RBFOX3: variants seen among roughly 807,000 people sequenced by gnomAD.
RBFOX3 encodes RNA binding protein fox-1 homolog 3.
RBFOX3 carries 17 observed loss-of-function variants against 48.7 expected under a neutral mutation model. The observed-to-expected ratio is 0.35, with a 90% CI of 0.24 to 0.52. The LOEUF is 0.52. Among genes scored for constraint, RBFOX3 ranks in the 20% least tolerant of loss-of-function variants. RBFOX3 has a pLI of 0.94. For missense variants in RBFOX3, 382 were observed against 497.5 expected (o/e 0.77, Z 2.21); for synonymous variants, 212 against 209.5 (o/e 1.01, Z -0.10).
intron 1 of RBFOX3, among the ~76,000 whole-genome samples, chr17:79,566,305 G>T (rs1455209351): frequency 6.6e-6 from 1 of 152,176 alleles, no homozygotes; most frequent in African/African-American, 2.4e-5. Flanking sequence ...GCCTCACCAG[G>T]CTGGGCCTGG....
Position 79,477,390 on chromosome 17 carries a change from A to C in RBFOX3, c.-175+5064T>G, listed in dbSNP as rs1283751573. On this transcript the variant is annotated intron_variant, in intron 2 of 14. Coordinates refer to ENST00000693108, the MANE Select transcript of RBFOX3 (RefSeq NM_001350451.2). The surrounding 1 kb of genome is among the most constrained non-coding windows in gnomAD (Gnocchi z 4.8). ...GCTAACACGGTGAAACCCCGTCTCT[A>C]CTAAAAATACAAAACATTAGCCAGA... Among the ~76,000 whole-genome samples the C allele has an allele frequency of 6.6e-6, 1 of 151,500 alleles. No homozygotes were observed. The highest frequency in any genetic ancestry group is 1.5e-5 in the Non-Finnish European group (1 of 67,900).
chr17:79,172,542 C>T (rs924971967), intron 4 of RBFOX3, among the ~76,000 whole-genome samples: 2 of 152,184 alleles, frequency 1.3e-5, no homozygotes, highest in South Asian at 4.1e-4. Context: ...CATCTGATGG[C>T]GATTCCAAGG....
chr17:79,582,177 T>TAGTGCCTGCCC (rs1428234345), intron 1 of RBFOX3, among the ~76,000 whole-genome samples: 1 of 151,436 alleles, frequency 6.6e-6, no homozygotes, highest in East Asian at 1.9e-4. Context: ...CGTGCCTGTG[T>TAGTGCCTGCCC]ATGCAAGCAC....
chr17:79,205,244 G>A lies in RBFOX3; in HGVS notation c.-34+30522C>T, dbSNP rs1004963816. On this transcript the variant is annotated intron_variant, in intron 4 of 14. Coordinates refer to ENST00000693108, the MANE Select transcript of RBFOX3 (RefSeq NM_001350451.2). The surrounding 1 kb of genome is among the most constrained non-coding windows in gnomAD (Gnocchi z 4.5). ...TTGCAGGCAGGAGGATACATGGTTA[G>A]AGCAGACACTGATACCTGTGAAATG... Among the ~76,000 whole-genome samples, 4 of 152,144 alleles carry A rather than the reference G, an allele frequency of 2.6e-5. No homozygotes were observed. The highest frequency in any genetic ancestry group is 1.3e-4 in the Admixed American group (2 of 15,266).
intron 4 of RBFOX3, among the ~76,000 whole-genome samples, chr17:79,183,059 C>G (rs2052488749): frequency 6.7e-6 from 1 of 149,284 alleles, no homozygotes; most frequent in South Asian, 2.1e-4. Flanking sequence ...CCTCGCGCCG[C>G]GCGCGCCCTG....
intron 2 of RBFOX3, among the ~76,000 whole-genome samples, chr17:79,336,244 G>A (rs866713551): frequency 3.3e-5 from 5 of 151,932 alleles, no homozygotes; most frequent in African/African-American, 7.3e-5. Context: ...AAACTTAGCC[G>A]GGCATGGTGG....
chr17:79,289,550 C>G (rs973942027), intron 3 of RBFOX3, among the ~76,000 whole-genome samples: 3 of 152,212 alleles, frequency 2.0e-5, no homozygotes, highest in Non-Finnish European at 4.4e-5. Context: ...TGACTTCTTC[C>G]TTTTGTGTTG....
chr17:79,565,480 C>T (rs1039890994), intron 1 of RBFOX3, among the ~76,000 whole-genome samples: 4 of 151,912 alleles, frequency 2.6e-5, no homozygotes, highest in South Asian at 4.2e-4. Context: ...GCTGAGATTA[C>T]AGGCATGCAC....
rs962295446 is a variant in RBFOX3 at position 79,523,587 on chromosome 17, A to C, written c.-319-40989T>G. Among the ~76,000 whole-genome samples, 28 of 152,290 alleles carry C rather than the reference A, an allele frequency of 1.8e-4. No homozygotes were observed. In the East Asian group the frequency reaches 1.9e-3, roughly 11 times the overall value. Reference sequence around the variant, plus strand: ...GTTCTGTTGTCCCTGGTGAGCCACCAAAGAGAGGATGTGATCAACGGCCCC... The same window carrying C: ...GTTCTGTTGTCCCTGGTGAGCCACCCAAGAGAGGATGTGATCAACGGCCCC... On this transcript the variant is annotated intron_variant, in intron 1 of 14. Coordinates refer to ENST00000693108, the MANE Select transcript of RBFOX3 (RefSeq NM_001350451.2).
chr17:79,389,558 A>ACAAAT (rs1463707891), intron 2 of RBFOX3, among the ~76,000 whole-genome samples: 1 of 152,186 alleles, frequency 6.6e-6, no homozygotes, highest in African/African-American at 2.4e-5. Context: ...TTAAACACTG[A>ACAAAT]GTCCCCCACC....
intron 1 of RBFOX3, among the ~76,000 whole-genome samples, chr17:79,534,696 G>A (rs782257185): frequency 6.6e-6 from 1 of 152,186 alleles, no homozygotes; most frequent in Non-Finnish European, 1.5e-5. Context: ...AAGACCCACC[G>A]TGACCTAACA....
chr17:79,147,752 G>A (rs930724362), intron 4 of RBFOX3, among the ~76,000 whole-genome samples: 3 of 152,192 alleles, frequency 2.0e-5, no homozygotes. Flanking sequence ...CAGGCTCTGC[G>A]CCCCTGGTGC....
rs115195516 is a variant in RBFOX3 at position 79,144,089 on chromosome 17, G to A, written c.-33-28341C>T. Among the ~76,000 whole-genome samples the A allele has an allele frequency of 4.3e-3, 656 of 152,306 alleles. 6 individuals are homozygous for A. The highest frequency in any genetic ancestry group is 0.015 in the African/African-American group (610 of 41,584). ...AAGCCACAGGCCCGGCACTGGCATC[G>A]AGGGGTCCAGAGATCTCCCTGCAGA... On this transcript the variant is annotated intron_variant, in intron 4 of 14. Transcript: ENST00000693108.
intron 1 of RBFOX3, among the ~76,000 whole-genome samples, chr17:79,496,983 G>A (rs1358268069): frequency 5.9e-5 from 9 of 152,178 alleles, no homozygotes; most frequent in African/African-American, 2.2e-4. Context: ...TGTTCTGTCA[G>A]GCTGTCCCCA....
At chr17:79,355,769 TG>T (rs1458316476) in intron 2 of RBFOX3, among the ~76,000 whole-genome samples, 1 of 152,112 alleles carries the variant, frequency 6.6e-6, no homozygotes, top group African/African-American at 2.4e-5. Context: ...TTAGTAGAGA[TG>T]GGATTTCACC....
chr17:79,100,432 A>C (rs1013026341), intron 9 of RBFOX3: 1 of 152,264 alleles, frequency 6.6e-6, no homozygotes, highest in Admixed American at 6.5e-5. Flanking sequence ...GCAGGATATG[A>C]GGCCATGAGA....
At chr17:79,581,638 G>A (rs1269824646) in intron 1 of RBFOX3, among the ~76,000 whole-genome samples, 6 of 152,244 alleles carry the variant, frequency 3.9e-5, no homozygotes, top group African/African-American at 9.6e-5. Flanking sequence ...TTTGATATGC[G>A]GGAGGTTTCC....
At chr17:79,282,549 A>G (rs564571919) in intron 3 of RBFOX3, among the ~76,000 whole-genome samples, 5 of 152,176 alleles carry the variant, frequency 3.3e-5, no homozygotes, top group East Asian at 1.9e-4. Flanking sequence ...TACCTTCACC[A>G]ATGCAAAGAG....
chr17:79,194,130 A>G (rs959724123), intron 4 of RBFOX3, among the ~76,000 whole-genome samples: 5 of 152,202 alleles, frequency 3.3e-5, no homozygotes, highest in Non-Finnish European at 7.3e-5. Flanking sequence ...GAAGACACCA[A>G]TGTTGCTCTC....
Sources: gnomAD v4.1 joint callset for allele counts (sites outside exome capture counted in the v4.1 genomes callset) on GRCh38, gnomAD v4.1.1 for gene constraint, Gnocchi (gnomAD v3.1) non-coding constraint, MANE v1.5 for transcripts, NCBI Gene and HGNC (gene_info 2026-07-23, HGNC 2026-07-21) for gene names.